Variants in AOAH observed in about 807,000 individuals in gnomAD.
AOAH encodes the protein acyloxyacyl hydrolase (neutrophil).
A neutral mutation model predicts 92.2 loss-of-function variants in AOAH; 64 were observed. That is an observed-to-expected ratio of 0.69 (90% confidence interval 0.57 to 0.86). The LOEUF is 0.86. Among genes scored for constraint, AOAH ranks in the 40% least tolerant of loss-of-function variants. The pLI is 0.00. For synonymous variants in AOAH, 263 were observed against 254.5 expected (o/e 1.03, Z -0.32); for missense variants, 656 against 694.6 (o/e 0.94, Z 0.62).
chr7:36,720,797 T>G (rs1247720697), intron 1 of AOAH, among the ~76,000 whole-genome samples: 1 of 152,030 alleles, frequency 6.6e-6, no homozygotes, highest in Non-Finnish European at 1.5e-5. Flanking sequence ...TGTGTATCCC[T>G]GCTCTCGCAT....
At chr7:36,555,632 G>GC (rs1360351488) in intron 13 of AOAH, among the ~76,000 whole-genome samples, 4 of 152,028 alleles carry the variant, frequency 2.6e-5, no homozygotes, top group Admixed American at 1.3e-4. Flanking sequence ...TTTTTGGTTG[G>GC]TAAGCTATTG....
intron 13 of AOAH, among the ~76,000 whole-genome samples, chr7:36,576,351 T>C (rs756487993): frequency 3.9e-5 from 6 of 152,234 alleles, no homozygotes; most frequent in Non-Finnish European, 8.8e-5. Flanking sequence ...ATCTGCTCTC[T>C]TGGTCAACCC....
At chr7:36,602,427 T>G (rs1367974077) in intron 11 of AOAH, among the ~76,000 whole-genome samples, 1 of 151,774 alleles carries the variant, frequency 6.6e-6, no homozygotes, top group Admixed American at 6.5e-5. Flanking sequence ...TTCTACTGAA[T>G]TCCCTTCCTT....
intron 13 of AOAH, among the ~76,000 whole-genome samples, chr7:36,567,596 G>A (rs542470961): frequency 1.1e-4 from 17 of 152,252 alleles, no homozygotes; most frequent in Admixed American, 9.8e-4. Flanking sequence ...TTCTGCTAAC[G>A]GATAGCCCTG....
intron 4 of AOAH, among the ~76,000 whole-genome samples, chr7:36,648,597 A>G (rs1274017010): frequency 6.6e-6 from 1 of 150,384 alleles, no homozygotes; most frequent in East Asian, 1.9e-4. Context: ...ATCACAAATT[A>G]CAAATACAAT....
chr7:36,665,653 G>A (rs568698785), intron 3 of AOAH, among the ~76,000 whole-genome samples: 98 of 152,208 alleles, frequency 6.4e-4, no homozygotes, highest in African/African-American at 2.4e-3. Flanking sequence ...TTCTCAGCAT[G>A]AAGTATGATG....
chr7:36,705,167 T>C (rs1249873588), intron 1 of AOAH, among the ~76,000 whole-genome samples: 1 of 151,874 alleles, frequency 6.6e-6, no homozygotes, highest in Non-Finnish European at 1.5e-5. Flanking sequence ...GAGAAATAGA[T>C]ACTCAAACAG....
chr7:36,692,642 A>G (rs922394799), intron 1 of AOAH, among the ~76,000 whole-genome samples: 2 of 152,170 alleles, frequency 1.3e-5, no homozygotes, highest in African/African-American at 2.4e-5. Flanking sequence ...ACATAAGGTG[A>G]CTGGTTTAGC....
At chr7:36,525,363 G>A (rs577070962) in intron 19 of AOAH, among the ~76,000 whole-genome samples, 1 of 152,304 alleles carries the variant, frequency 6.6e-6, no homozygotes, top group East Asian at 1.9e-4. Flanking sequence ...CTAGGAGCCT[G>A]ATATTACAAA....
chr7:36,635,189 T>C (rs1396349673), intron 5 of AOAH, among the ~76,000 whole-genome samples: 1 of 152,204 alleles, frequency 6.6e-6, no homozygotes, highest in Admixed American at 6.5e-5. Flanking sequence ...CAGCAATACA[T>C]TTAAAATATT....
At chr7:36,587,321 T>C (rs1047221704) in intron 12 of AOAH, among the ~76,000 whole-genome samples, 14 of 150,574 alleles carry the variant, frequency 9.3e-5, no homozygotes, top group African/African-American at 3.4e-4. Flanking sequence ...TCTGGTTTTA[T>C]ATACACATGT....
intron 1 of AOAH, among the ~76,000 whole-genome samples, chr7:36,711,431 G>T (rs559244226): frequency 6.6e-6 from 1 of 152,032 alleles, no homozygotes; most frequent in South Asian, 2.1e-4. Context: ...TTTCGGTATT[G>T]CTCACTGTGT....
Position 36,673,974 on chromosome 7 carries a change from T to C in AOAH, c.259A>G (p.Ile87Val). Reference sequence around the variant, plus strand: ...ATGATGTCTGATCCAAACTTGTCAATGACTAAATAGCAGGTGGTTTTCAAG... The same window carrying C: ...ATGATGTCTGATCCAAACTTGTCAACGACTAAATAGCAGGTGGTTTTCAAG... ...LFLKTTCYLV[I>V]DKFGSDIIKL... Residue 87 changes from isoleucine (I) to valine (V), a missense_variant, in exon 3 of 21, where the codon ATT becomes GTT. Ile to Val is a conservative substitution (Grantham distance 29). Coordinates refer to ENST00000617537, the MANE Select transcript of AOAH (RefSeq NM_001637.4). 1.9e-6 allele frequency: 3 copies of C among 1,611,026 alleles called. No homozygotes were observed. The highest frequency in any genetic ancestry group is 2.5e-6 in the Non-Finnish European group (3 of 1,177,490).
chr7:36,671,110 TAA>T (rs543487107), intron 3 of AOAH, among the ~76,000 whole-genome samples: 1 of 152,336 alleles, frequency 6.6e-6, no homozygotes, highest in South Asian at 2.1e-4. Context: ...ACTAGGTGTA[TAA>T]ATAGATTCAT....
intron 12 of AOAH, among the ~76,000 whole-genome samples, chr7:36,590,969 G>T (rs2727800): frequency 0.34 from 51,947 of 152,064 alleles, 9,236 homozygotes; most frequent in Middle Eastern, 0.42. Context: ...ATGGTATATG[G>T]ATACTTTAGC....
At chr7:36,544,299 T>C (rs1399538516) in intron 15 of AOAH, among the ~76,000 whole-genome samples, 1 of 152,120 alleles carries the variant, frequency 6.6e-6, no homozygotes, top group East Asian at 1.9e-4. Context: ...CCTCTGGTGA[T>C]GTTTGGGGGA....
chr7:36,685,126 C>A (rs1277631711), intron 2 of AOAH, among the ~76,000 whole-genome samples: 1 of 151,788 alleles, frequency 6.6e-6, no homozygotes, highest in Admixed American at 6.6e-5. Context: ...GAAACATACT[C>A]AATTATACTA....
At chr7:36,711,141 T>C (rs1584172725) in intron 1 of AOAH, among the ~76,000 whole-genome samples, 1 of 152,152 alleles carries the variant, frequency 6.6e-6, no homozygotes, top group Non-Finnish European at 1.5e-5. Context: ...GAAGGAAATA[T>C]AAATCACTAG....
At chr7:36,555,339 T>C (rs1430995935) in intron 13 of AOAH, among the ~76,000 whole-genome samples, 4 of 152,214 alleles carry the variant, frequency 2.6e-5, no homozygotes, top group Non-Finnish European at 5.9e-5. Context: ...TGAAGCCCAC[T>C]TGATCATGGT....
Sources: gnomAD v4.1 joint callset for allele counts (sites outside exome capture counted in the v4.1 genomes callset) on GRCh38, gnomAD v4.1.1 for gene constraint, MANE v1.5 for transcripts, NCBI Gene and HGNC (gene_info 2026-07-23, HGNC 2026-07-21) for gene names.